IL1R1: variants seen among roughly 807,000 people sequenced by gnomAD.
IL1R1 encodes interleukin 1 receptor type 1, also known as interleukin-1 receptor type 1.
A neutral mutation model predicts 50.2 loss-of-function variants in IL1R1; 22 were observed. That is an observed-to-expected ratio of 0.44 (90% CI 0.31 to 0.63). IL1R1 has a LOEUF of 0.63. Among genes scored for constraint, IL1R1 ranks in the 20% least tolerant of loss-of-function variants. The probability of loss-of-function intolerance (pLI) is 0.07; values close to 1 mark genes in which losing one functional copy is unlikely to be tolerated. For missense variants in IL1R1, 509 were observed against 676.2 expected (o/e 0.75, Z 2.74); for synonymous variants, 251 against 236.7 (o/e 1.06, Z -0.55).
intron 1 of IL1R1, among the ~76,000 whole-genome samples, chr2:102,131,369 GGATGATAATAATGCA>G (rs971536616): frequency 6.6e-6 from 1 of 152,138 alleles, no homozygotes; most frequent in Non-Finnish European, 1.5e-5. Flanking sequence ...ATGCAAATAA[GGATGATAATAATGCA>G]GAGGAAAATG....
intron 1 of IL1R1, among the ~76,000 whole-genome samples, chr2:102,147,815 A>G (rs1683290284): frequency 6.6e-6 from 1 of 152,200 alleles, no homozygotes; most frequent in African/African-American, 2.4e-5. Context: ...TATTAGCTGA[A>G]TAATTGAGAT....
chr2:102,168,136 T>G (rs914920910), intron 6 of IL1R1, among the ~76,000 whole-genome samples: 2 of 152,230 alleles, frequency 1.3e-5, no homozygotes, highest in Admixed American at 1.3e-4. Context: ...TTTGCCTATT[T>G]TAATAAATTA....
intron 1 of IL1R1, among the ~76,000 whole-genome samples, chr2:102,152,906 A>C (rs1683821296): frequency 6.6e-6 from 1 of 152,190 alleles, no homozygotes; most frequent in South Asian, 2.1e-4. Context: ...TGAACTAGTC[A>C]GGCTGTGTTA....
chr2:102,096,763 T>A (rs190650235), intron 1 of IL1R1, among the ~76,000 whole-genome samples: 1 of 152,120 alleles, frequency 6.6e-6, no homozygotes, highest in Non-Finnish European at 1.5e-5. Context: ...TGAGTCTTTT[T>A]AAAACTTTTA....
chr2:102,125,188 G>A (rs1577903802), intron 1 of IL1R1, among the ~76,000 whole-genome samples: 4 of 152,220 alleles, frequency 2.6e-5, no homozygotes, highest in Admixed American at 2.6e-4. Flanking sequence ...AGCACATGCT[G>A]CCTTTACTCT....
At chr2:102,100,716 C>G (rs1376182000), upstream of IL1R1, among the ~76,000 whole-genome samples, 1 of 152,194 alleles carries the variant, frequency 6.6e-6, no homozygotes, top group Non-Finnish European at 1.5e-5. Context: ...CATCTAGAAT[C>G]TTTCCCATTC....
chr2:102,140,075 A>C (rs1682559392), upstream of IL1R1, among the ~76,000 whole-genome samples: 2 of 152,102 alleles, frequency 1.3e-5, no homozygotes, highest in African/African-American at 4.8e-5. Context: ...GGGAACAAAA[A>C]CAAATAGCTT....
chr2:102,158,153 C>A (rs182437052), intron 3 of IL1R1, among the ~76,000 whole-genome samples: 42 of 152,334 alleles, frequency 2.8e-4, no homozygotes, highest in Admixed American at 2.2e-3. Flanking sequence ...TATGTATAGT[C>A]TTTATGAACC....
rs184599894 is a variant in IL1R1 at position 102,114,377 on chromosome 2, C to A, written c.-84+9505C>A. 6.4e-4 allele frequency among the ~76,000 whole-genome samples: 98 copies of A among 152,300 alleles called. 2 individuals are homozygous for A. The highest frequency in any genetic ancestry group is 2.1e-4 in the Non-Finnish European group (14 of 68,032). On this transcript the variant is annotated intron_variant, in intron 1 of 10. Coordinates refer to the IL1R1 transcript ENST00000409329. ...CTGTCTGCTAAAGAATCTGTAAAAC[C>A]ACATGCGAAGGTTCACAGGGGTTCT...
upstream of IL1R1, among the ~76,000 whole-genome samples, chr2:102,138,431 G>A (rs1301502022): frequency 6.6e-6 from 1 of 152,162 alleles, no homozygotes; most frequent in Non-Finnish European, 1.5e-5. Context: ...TTATTAAGGA[G>A]GTTAAGAAAT....
chr2:102,151,899 C>T (rs745462467), intron 1 of IL1R1, among the ~76,000 whole-genome samples: 16 of 152,266 alleles, frequency 1.1e-4, no homozygotes, highest in African/African-American at 3.1e-4. Context: ...AGGGAGCCAG[C>T]GCTGGACACA....
intron 1 of IL1R1, among the ~76,000 whole-genome samples, chr2:102,150,939 C>T (rs886363838): frequency 2.6e-5 from 4 of 152,146 alleles, no homozygotes; most frequent in Non-Finnish European, 5.9e-5. Flanking sequence ...TTTTCTCTTT[C>T]TTGTTTTATT....
intron 1 of IL1R1, among the ~76,000 whole-genome samples, chr2:102,149,822 T>C (rs1683494167): frequency 6.6e-6 from 1 of 152,090 alleles, no homozygotes; most frequent in Non-Finnish European, 1.5e-5. Flanking sequence ...TGGAGATTAA[T>C]GTAGCTAGAC....
intron 1 of IL1R1, among the ~76,000 whole-genome samples, chr2:102,114,522 A>G (rs1273071955): frequency 8.7e-6 from 1 of 115,408 alleles, no homozygotes; most frequent in African/African-American, 3.0e-5. Context: ...AGTTTCCCTC[A>G]AGGTTTAAGC....
At chr2:102,095,646 C>T (rs1577830752) in intron 1 of IL1R1, among the ~76,000 whole-genome samples, 1 of 152,158 alleles carries the variant, frequency 6.6e-6, no homozygotes, top group African/African-American at 2.4e-5. Context: ...CTCTTCTGAA[C>T]GTCAGTGTTT....
rs145844731 is a variant in IL1R1, at chr2:102,171,403, C to G, written c.722-398C>G. ...CAGGATGTGTACAAATAAGGCTATT[C>G]ATTAAAATATTAATCATAATAGTGA... On this transcript the variant is annotated intron_variant, in intron 7 of 11. Coordinates refer to ENST00000410023, the MANE Select transcript of IL1R1 (RefSeq NM_000877.4). 4.9e-3 allele frequency among the ~76,000 whole-genome samples: 750 copies of G among 152,166 alleles called. 4 individuals are homozygous for G. The highest frequency in any genetic ancestry group is 0.017 in the African/African-American group (724 of 41,524).
At chr2:102,121,012 C>A (rs576006833) in intron 1 of IL1R1, among the ~76,000 whole-genome samples, 4 of 152,178 alleles carry the variant, frequency 2.6e-5, no homozygotes, top group African/African-American at 4.8e-5. Flanking sequence ...GGGACTCTTC[C>A]TCTTGCTCCT....
intron 9 of IL1R1, among the ~76,000 whole-genome samples, chr2:102,173,163 A>T (rs1046591512): frequency 6.6e-6 from 1 of 152,190 alleles, no homozygotes; most frequent in Non-Finnish European, 1.5e-5. Flanking sequence ...GCAACCATTT[A>T]TCTTAGTAAT....
At chr2:102,176,210 T>C in intron 11 of IL1R1, 143 bp from the exon 12 acceptor site, 1 of 659,310 alleles carries the variant, frequency 1.5e-6, no homozygotes, top group Non-Finnish European at 2.5e-6. Context: ...ATTAAAAACA[T>C]GGGAAACTCC....
Sources: gnomAD v4.1 joint callset for allele counts (sites outside exome capture counted in the v4.1 genomes callset) on GRCh38, gnomAD v4.1.1 for gene constraint, MANE v1.5 for transcripts, NCBI Gene and HGNC (gene_info 2026-07-23, HGNC 2026-07-21) for gene names.